The following CHRM3 variants were observed in gnomAD, a reference collection of about 807,000 sequenced individuals.
The protein encoded by CHRM3 is muscarinic acetylcholine receptor M3.
Under a neutral mutation model 41.8 loss-of-function variants are expected in CHRM3, and 11 were observed. The ratio of observed to expected loss-of-function variants is 0.26; its 90% CI spans 0.17 to 0.44. The LOEUF is 0.44. Ranked by LOEUF, CHRM3 falls within the 20% of genes least tolerant of loss-of-function variation. CHRM3 has a pLI of 1.00. For synonymous variants in CHRM3, 297 were observed against 301.4 expected (o/e 0.99, Z 0.15); for missense variants, 571 against 745.4 (o/e 0.77, Z 2.72).
intron 4 of CHRM3, among the ~76,000 whole-genome samples, chr1:239,657,742 C>T (rs1005231651): frequency 6.6e-6 from 1 of 152,094 alleles, no homozygotes; most frequent in Non-Finnish European, 1.5e-5. Context: ...AATCTTTGAA[C>T]CTGAGAAAAA....
At chr1:239,458,023 T>C (rs1242750849) in intron 1 of CHRM3, among the ~76,000 whole-genome samples, 1 of 151,724 alleles carries the variant, frequency 6.6e-6, no homozygotes, top group African/African-American at 2.4e-5. Flanking sequence ...TTCAGGAAAG[T>C]ACGTGCCACA....
intron 2 of CHRM3, among the ~76,000 whole-genome samples, chr1:239,540,112 C>T (rs570264873): frequency 2.1e-4 from 32 of 152,104 alleles, no homozygotes; most frequent in African/African-American, 4.3e-4. Flanking sequence ...CACTCTATGA[C>T]GTTTGCACAA....
intron 3 of CHRM3, among the ~76,000 whole-genome samples, chr1:239,558,063 G>A (rs1193165015): frequency 1.3e-5 from 2 of 152,186 alleles, no homozygotes; most frequent in Non-Finnish European, 2.9e-5. Flanking sequence ...ATCACCAGAT[G>A]TCTTCCACAA....
intron 6 of CHRM3, among the ~76,000 whole-genome samples, chr1:239,841,065 ACT>A (rs1673757859): frequency 6.6e-6 from 1 of 152,028 alleles, no homozygotes; most frequent in Non-Finnish European, 1.5e-5. Context: ...TGGCACCCTG[ACT>A]CTCTGCTGTA....
chr1:239,711,619 A>C (rs910644903), intron 5 of CHRM3, among the ~76,000 whole-genome samples: 45 of 151,592 alleles, frequency 3.0e-4, no homozygotes, highest in African/African-American at 1.1e-3. Flanking sequence ...CCAAACCTTT[A>C]GTCCACTGCC....
intron 3 of CHRM3, among the ~76,000 whole-genome samples, chr1:239,570,551 A>G (rs72756773): frequency 0.034 from 5,150 of 152,300 alleles, 107 homozygotes; most frequent in Middle Eastern, 0.058. Flanking sequence ...CTGCCCTAGT[A>G]GTTTATGAAT....
chr1:239,769,297 A>C (rs1344307072), intron 5 of CHRM3, among the ~76,000 whole-genome samples: 1 of 152,144 alleles, frequency 6.6e-6, no homozygotes, highest in Admixed American at 6.5e-5. Flanking sequence ...TTCCCTGGAT[A>C]TGATCTCAAA....
At chr1:239,821,839 G>C (rs1034677205) in intron 5 of CHRM3, among the ~76,000 whole-genome samples, 2 of 152,148 alleles carry the variant, frequency 1.3e-5, no homozygotes, top group African/African-American at 2.4e-5. Flanking sequence ...GCAGGACCAG[G>C]TGGAGGTAAC....
At chr1:239,560,715 T>G (rs2148487703) in intron 3 of CHRM3, among the ~76,000 whole-genome samples, 1 of 152,274 alleles carries the variant, frequency 6.6e-6, no homozygotes, top group East Asian at 1.9e-4. Context: ...TATCCTGGCA[T>G]GTAAATCTTT....
chr1:239,736,125 A>G (rs1664373550), intron 5 of CHRM3, among the ~76,000 whole-genome samples: 1 of 152,114 alleles, frequency 6.6e-6, no homozygotes, highest in African/African-American at 2.4e-5. Context: ...TGCACATGTA[A>G]CTAAAGTGCT....
intron 5 of CHRM3, among the ~76,000 whole-genome samples, chr1:239,688,729 TATA>T (rs1409899525): frequency 3.0e-5 from 4 of 135,388 alleles, no homozygotes; most frequent in South Asian, 2.1e-4. Flanking sequence ...CAATATAATA[TATA>T]ATATTATATA....
rs569073691 is a variant in CHRM3, at chr1:239,911,071, A to C, written c.*1847A>C. ...TTGAGCAATGAATAGAGTATATTGG[A>C]GCTTTCCTGTGGCTAAGAAGAAGAA... On this transcript the variant is annotated 3_prime_UTR_variant, in exon 7 of 7. Transcript: ENST00000676153. The C allele has an allele frequency of 1.8e-5, 3 of 167,060 alleles. No homozygotes were observed. The highest frequency in any genetic ancestry group is 7.2e-5 in the African/African-American group (3 of 41,436). The allele number at this position is 167,060 out of a possible 1,614,324, so 10.3% of individuals were successfully genotyped here.
chr1:239,482,940 G>A (rs1666954251), intron 1 of CHRM3, among the ~76,000 whole-genome samples: 1 of 152,050 alleles, frequency 6.6e-6, no homozygotes, highest in Non-Finnish European at 1.5e-5. Flanking sequence ...TACTTCTAAA[G>A]CATTTTGCTC....
intron 6 of CHRM3, among the ~76,000 whole-genome samples, chr1:239,902,094 T>C (rs994989494): frequency 1.3e-5 from 2 of 152,286 alleles, no homozygotes; most frequent in African/African-American, 4.8e-5. Flanking sequence ...CCCTTCTCTC[T>C]ACCAGAGTAT....
intron 5 of CHRM3, among the ~76,000 whole-genome samples, chr1:239,701,387 C>T (rs1023491047): frequency 6.6e-6 from 1 of 152,212 alleles, no homozygotes; most frequent in Non-Finnish European, 1.5e-5. Context: ...GAAAACCTTT[C>T]CGTTTCCCAC....
At chr1:239,574,255 C>T (rs1662117182) in intron 3 of CHRM3, among the ~76,000 whole-genome samples, 1 of 152,142 alleles carries the variant, frequency 6.6e-6, no homozygotes. Flanking sequence ...CCATTTCACT[C>T]AGAGAAAAAG....
chr1:239,819,130 G>A (rs2149033301), intron 5 of CHRM3, among the ~76,000 whole-genome samples: 1 of 152,256 alleles, frequency 6.6e-6, no homozygotes, highest in East Asian at 1.9e-4. Flanking sequence ...CTACCTGACT[G>A]GAGTCCCTGG....
chr1:239,548,289 T>C (rs1203950114), intron 3 of CHRM3, among the ~76,000 whole-genome samples: 1 of 152,174 alleles, frequency 6.6e-6, no homozygotes, highest in Admixed American at 6.5e-5. Flanking sequence ...TCCATCTCTC[T>C]AGTTGAGCCA....
intron 3 of CHRM3, among the ~76,000 whole-genome samples, chr1:239,555,183 A>C (rs1444436817): frequency 2.0e-5 from 3 of 152,090 alleles, no homozygotes; most frequent in Non-Finnish European, 4.4e-5. Flanking sequence ...AAATGTGAGC[A>C]CTCTGAGACC....
Sources: allele counts gnomAD v4.1 joint callset (sites outside exome capture counted in the v4.1 genomes callset), GRCh38; gene constraint gnomAD v4.1.1; transcripts MANE v1.5; gene names NCBI Gene and HGNC (gene_info 2026-07-23, HGNC 2026-07-21).